GPC5: variants seen among roughly 807,000 people sequenced by gnomAD.
The protein encoded by GPC5 is glypican-5.
In GPC5, 47 loss-of-function variants were observed where a neutral mutation model predicts 53.9. The observed-to-expected ratio is 0.87, with a 90% confidence interval of 0.69 to 1.11. GPC5 has a LOEUF of 1.11. GPC5 is among the 50% of genes most tolerant of loss of function. GPC5 has a pLI of 0.00. For missense variants in GPC5, 748 were observed against 713.1 expected (o/e 1.05, Z -0.56); for synonymous variants, 286 against 263.3 (o/e 1.09, Z -0.84).
intron 7 of GPC5, among the ~76,000 whole-genome samples, chr13:92,233,765 G>A (rs1023941048): frequency 1.3e-5 from 2 of 151,908 alleles, no homozygotes; most frequent in African/African-American, 2.4e-5. Flanking sequence ...CCATTAACTC[G>A]TCATTTAACA....
intron 2 of GPC5, among the ~76,000 whole-genome samples, chr13:91,648,927 T>C (rs2034628654): frequency 6.6e-6 from 1 of 152,032 alleles, no homozygotes; most frequent in Non-Finnish European, 1.5e-5. Flanking sequence ...CCCACCCAAA[T>C]CTCATCTTGA....
intron 1 of GPC5, among the ~76,000 whole-genome samples, chr13:91,427,360 G>A (rs1396982147): frequency 1.3e-5 from 2 of 152,208 alleles, no homozygotes; most frequent in Non-Finnish European, 2.9e-5. Flanking sequence ...CAAGACCATG[G>A]GATCCCACCT....
intron 2 of GPC5, among the ~76,000 whole-genome samples, chr13:91,526,568 G>A (rs978481125): frequency 3.9e-5 from 6 of 152,210 alleles, no homozygotes; most frequent in African/African-American, 1.4e-4. Flanking sequence ...TTAGCTTTAT[G>A]TGATTGGCAA....
intron 2 of GPC5, among the ~76,000 whole-genome samples, chr13:91,646,307 G>A (rs1468417845): frequency 6.6e-6 from 1 of 151,094 alleles, no homozygotes; most frequent in African/African-American, 2.5e-5. Flanking sequence ...CCCTTCTTAT[G>A]GTTGGATGAA....
chr13:92,373,965 C>A (rs1227402521), intron 7 of GPC5, among the ~76,000 whole-genome samples: 2 of 152,122 alleles, frequency 1.3e-5, no homozygotes, highest in East Asian at 1.9e-4. Context: ...ATGCCATTCA[C>A]ATTTTCTTGG....
intron 7 of GPC5, among the ~76,000 whole-genome samples, chr13:92,430,815 C>A (rs548810183): frequency 6.6e-6 from 1 of 152,130 alleles, no homozygotes; most frequent in Admixed American, 6.6e-5. Context: ...GAGTTGCCAG[C>A]AGTAAACCTC....
intron 7 of GPC5, among the ~76,000 whole-genome samples, chr13:92,801,305 A>G (rs1876898685): frequency 6.6e-6 from 1 of 151,724 alleles, no homozygotes; most frequent in Admixed American, 6.6e-5. Flanking sequence ...TGAGATTTTA[A>G]TGGAGCTGAA....
intron 7 of GPC5, among the ~76,000 whole-genome samples, chr13:92,797,870 TGATAGATGATA>T (rs1876752747): frequency 8.0e-6 from 1 of 124,880 alleles, no homozygotes; most frequent in Non-Finnish European, 1.8e-5. Flanking sequence ...GATAGATAGA[TGATAGATGATA>T]GATAGTAGAG....
chr13:92,138,882 G>A (rs1337824668), intron 6 of GPC5, among the ~76,000 whole-genome samples: 1 of 152,092 alleles, frequency 6.6e-6, no homozygotes, highest in East Asian at 1.9e-4. Context: ...TGATATCTCA[G>A]ATCATGAAGC....
chr13:92,567,791 C>A (rs1399441625), intron 7 of GPC5, among the ~76,000 whole-genome samples: 7 of 152,100 alleles, frequency 4.6e-5, no homozygotes, highest in Non-Finnish European at 8.8e-5. Flanking sequence ...CTTGTGTTGG[C>A]CTCGTGACCT....
intron 6 of GPC5, among the ~76,000 whole-genome samples, chr13:92,100,366 C>T (rs888701056): frequency 2.0e-5 from 3 of 152,150 alleles, no homozygotes; most frequent in African/African-American, 7.2e-5. Flanking sequence ...CACAGCACTG[C>T]ACTCCAGCCT....
chr13:92,401,477 ATATT>A (rs1875557043), intron 7 of GPC5, among the ~76,000 whole-genome samples: 1 of 152,130 alleles, frequency 6.6e-6, no homozygotes, highest in Non-Finnish European at 1.5e-5. Flanking sequence ...TCAAATTTCA[ATATT>A]TAATTATTTC....
intron 7 of GPC5, among the ~76,000 whole-genome samples, chr13:92,305,472 A>G (rs1355364473): frequency 6.6e-6 from 1 of 151,964 alleles, no homozygotes; most frequent in Non-Finnish European, 1.5e-5. Context: ...TTTAAATTGG[A>G]TCAACTGGTT....
intron 6 of GPC5, among the ~76,000 whole-genome samples, chr13:91,973,201 C>T (rs1169755831): frequency 1.3e-5 from 2 of 152,136 alleles, no homozygotes; most frequent in Admixed American, 6.5e-5. Context: ...TCCCTTCTTG[C>T]TTCATTTCAT....
chr13:92,317,281 G>T (rs1426062157), intron 7 of GPC5, among the ~76,000 whole-genome samples: 1 of 152,214 alleles, frequency 6.6e-6, no homozygotes, highest in East Asian at 1.9e-4. Context: ...GCAGCAAGGG[G>T]AGGGTGTTTG....
chr13:92,712,521 C>T (rs1254473782), intron 7 of GPC5, among the ~76,000 whole-genome samples: 5 of 151,658 alleles, frequency 3.3e-5, no homozygotes, highest in Admixed American at 3.3e-4. Flanking sequence ...GGCACCTACA[C>T]AATGAGTTGT....
intron 5 of GPC5, among the ~76,000 whole-genome samples, chr13:91,869,319 A>G (rs1300501550): frequency 6.6e-6 from 1 of 152,016 alleles, no homozygotes; most frequent in African/African-American, 2.4e-5. Flanking sequence ...TCAGCCTCCC[A>G]AAGTGCTGGG....
rs1566446337 is a variant in GPC5, at chr13:92,125,923, G to GTTTTTTTTTTTTT, written c.1402-18907_1402-18906insTTTTTTTTTTTTT. Among the ~76,000 whole-genome samples the GTTTTTTTTTTTTT allele has an allele frequency of 2.6e-4, 11 of 41,536 alleles. 5 individuals carry two copies. The highest frequency in any genetic ancestry group is 5.1e-4 in the African/African-American group (7 of 13,610). The allele number at this position is 41,536 out of a possible 152,430, so 27.2% of individuals were successfully genotyped here. ...ATTAGAAAGGAAACATTTGTTTTTT[G>GTTTTTTTTTTTTT]GTTTTTTTTTTTTTTTTTTTTTTTT... On this transcript the variant is annotated intron_variant, in intron 6 of 7. Transcript: ENST00000377067.
intron 7 of GPC5, among the ~76,000 whole-genome samples, chr13:92,450,373 T>C (rs1166821688): frequency 6.6e-6 from 1 of 152,232 alleles, no homozygotes; most frequent in Non-Finnish European, 1.5e-5. Context: ...AATTTATTTA[T>C]GTCTCATACA....
Sources: gnomAD v4.1 joint callset for allele counts (sites outside exome capture counted in the v4.1 genomes callset) on GRCh38, gnomAD v4.1.1 for gene constraint, MANE v1.5 for transcripts, NCBI Gene and HGNC (gene_info 2026-07-23, HGNC 2026-07-21) for gene names.